CSMD1: variants seen among roughly 807,000 people sequenced by gnomAD.
The protein encoded by CSMD1 is CUB and sushi domain-containing protein 1.
In CSMD1, 213 loss-of-function variants were observed where a neutral mutation model predicts 417.5. The observed-to-expected ratio is 0.51, with a 90% confidence interval of 0.46 to 0.57. CSMD1 has a LOEUF of 0.57. CSMD1 is among the 20% of genes least tolerant of loss of function. The pLI is 0.00. For missense variants in CSMD1, 6,923 were observed against 4,529.7 expected (o/e 1.53, Z -15.17); for synonymous variants, 2,862 against 1,736.8 (o/e 1.65, Z -16.11).
At chr8:4,227,556 G>A (rs1801434179) in intron 3 of CSMD1, among the ~76,000 whole-genome samples, 1 of 152,048 alleles carries the variant, frequency 6.6e-6, no homozygotes, top group South Asian at 2.1e-4. Context: ...GTGCCAGGAA[G>A]CATAATTATT....
intron 12 of CSMD1, among the ~76,000 whole-genome samples, chr8:3,461,654 A>C (rs374761688): frequency 1.1e-4 from 16 of 152,328 alleles, no homozygotes; most frequent in East Asian, 5.8e-4. Flanking sequence ...CCAGATCCTC[A>C]TGCCCAAGGC....
At chr8:4,077,307 A>ATATATATG in intron 3 of CSMD1, among the ~76,000 whole-genome samples, 1 of 141,518 alleles carries the variant, frequency 7.1e-6, no homozygotes, top group Non-Finnish European at 1.5e-5. Context: ...GTATATATAT[A>ATATATATG]TATATATATA....
intron 1 of CSMD1, among the ~76,000 whole-genome samples, chr8:4,877,251 A>G (rs765438049): frequency 1.2e-4 from 19 of 152,084 alleles, no homozygotes; most frequent in Admixed American, 5.2e-4. Flanking sequence ...TGTACATAAG[A>G]AGATCCCAAT....
At chr8:4,532,039 T>A (rs1391873086) in intron 2 of CSMD1, among the ~76,000 whole-genome samples, 2 of 144,520 alleles carry the variant, frequency 1.4e-5, no homozygotes, top group Non-Finnish European at 3.0e-5. Context: ...TGCACCCCCA[T>A]TCAGTCACTC....
chr8:3,974,365 T>C (rs116255805), intron 5 of CSMD1, among the ~76,000 whole-genome samples: 3,928 of 152,124 alleles, frequency 0.026, 146 homozygotes, highest in African/African-American at 0.086. Flanking sequence ...GAATCAAATA[T>C]ACAGCTTTTA....
intron 12 of CSMD1, among the ~76,000 whole-genome samples, chr8:3,411,322 C>G (rs1013513019): frequency 6.6e-6 from 1 of 151,948 alleles, no homozygotes; most frequent in East Asian, 1.9e-4. Flanking sequence ...AGAGCAAATT[C>G]TTTGTGGGGT....
At chr8:3,316,538 G>GAA (rs963391086) in intron 23 of CSMD1, among the ~76,000 whole-genome samples, 4 of 151,598 alleles carry the variant, frequency 2.6e-5, no homozygotes, top group African/African-American at 9.7e-5. Flanking sequence ...CCTTGCGGGA[G>GAA]AGGGTTTGAG....
intron 3 of CSMD1, among the ~76,000 whole-genome samples, chr8:4,186,330 C>A (rs918894276): frequency 5.9e-5 from 9 of 152,244 alleles, no homozygotes; most frequent in African/African-American, 2.2e-4. Context: ...AACTGGGACT[C>A]CTCATGGCCC....
In CSMD1 at chr8:4,279,857, TA is replaced by T. The variant is rs149289550; in HGVS notation, c.415+140095del. ...CTTGCCTGCAGCAGCTCACTGTCAG[TA>T]AAAATGAATCTGAAGCAGATGCCAA... On this transcript the variant is annotated intron_variant, in intron 3 of 69. Transcript: ENST00000635120. 9.0e-3 allele frequency among the ~76,000 whole-genome samples: 1,372 copies of T among 152,320 alleles called. 15 individuals are homozygous for T. Among genetic ancestry groups the T allele is most frequent in the African/African-American group, 0.032 (1,327 of 41,582 alleles).
chr8:4,760,967 C>G (rs572973650), intron 1 of CSMD1, among the ~76,000 whole-genome samples: 1 of 152,032 alleles, frequency 6.6e-6, no homozygotes, highest in Non-Finnish European at 1.5e-5. Flanking sequence ...ACCAAAGTTG[C>G]ATTATTAGCT....
At chr8:4,365,271 A>G (rs1801997983) in intron 3 of CSMD1, among the ~76,000 whole-genome samples, 1 of 152,244 alleles carries the variant, frequency 6.6e-6, no homozygotes, top group South Asian at 2.1e-4. Flanking sequence ...TTCTTAAAGA[A>G]AAACTGTAAG....
chr8:3,354,558 A>G (rs1247499517), intron 21 of CSMD1, among the ~76,000 whole-genome samples: 1 of 152,194 alleles, frequency 6.6e-6, no homozygotes, highest in Non-Finnish European at 1.5e-5. Context: ...ATTAATCAAA[A>G]TATGCAATTC....
intron 3 of CSMD1, among the ~76,000 whole-genome samples, chr8:4,045,727 A>C (rs1284147291): frequency 6.6e-6 from 1 of 152,244 alleles, no homozygotes; most frequent in Non-Finnish European, 1.5e-5. Context: ...GACTAAAATA[A>C]AACGTGTGAA....
At chr8:4,779,515 G>C (rs921915555) in intron 1 of CSMD1, among the ~76,000 whole-genome samples, 2 of 152,062 alleles carry the variant, frequency 1.3e-5, no homozygotes, top group Admixed American at 1.3e-4. Context: ...ACCCAATGCA[G>C]TTAGAGAAAA....
At chr8:4,428,500 C>G (rs1259892528) in intron 2 of CSMD1, among the ~76,000 whole-genome samples, 2 of 152,086 alleles carry the variant, frequency 1.3e-5, no homozygotes, top group East Asian at 1.9e-4. Context: ...ATATGTGTAT[C>G]TCTCTCTACA....
At chr8:4,271,354 G>A (rs1296358388) in intron 3 of CSMD1, among the ~76,000 whole-genome samples, 3 of 152,060 alleles carry the variant, frequency 2.0e-5, no homozygotes, top group African/African-American at 2.4e-5. Context: ...GGCAGTGCTT[G>A]GAAAATGTCA....
At chr8:4,209,387 C>G (rs765462720) in intron 3 of CSMD1, among the ~76,000 whole-genome samples, 2 of 152,078 alleles carry the variant, frequency 1.3e-5, no homozygotes, top group Non-Finnish European at 2.9e-5. Flanking sequence ...CTTCTGATGC[C>G]GAAGACTCTC....
chr8:3,562,330 A>G (rs1218454498), intron 10 of CSMD1, among the ~76,000 whole-genome samples: 1 of 152,112 alleles, frequency 6.6e-6, no homozygotes, highest in Non-Finnish European at 1.5e-5. Context: ...CCTTTCCTCT[A>G]TCTGCATCTT....
intron 1 of CSMD1, among the ~76,000 whole-genome samples, chr8:4,990,500 A>G (rs960427863): frequency 7.9e-5 from 12 of 152,170 alleles, no homozygotes; most frequent in African/African-American, 2.9e-4. Flanking sequence ...AATAGCTGGG[A>G]TTACAGGCAT....
Sources: gnomAD v4.1 joint callset for allele counts (sites outside exome capture counted in the v4.1 genomes callset) on GRCh38, gnomAD v4.1.1 for gene constraint, MANE v1.5 for transcripts, NCBI Gene and HGNC (gene_info 2026-07-23, HGNC 2026-07-21) for gene names.